The following KRTAP4-5 variants were observed in gnomAD, a reference collection of about 807,000 sequenced individuals.
The protein encoded by KRTAP4-5 is keratin-associated protein 4-5.
For synonymous variants in KRTAP4-5, 73 were observed against 83.6 expected, an observed-to-expected ratio of 0.87 and a Z score of 0.69; for missense variants, 199 against 233.7, an observed-to-expected ratio of 0.85 and a Z score of 0.97.
rs546774773 is a variant in KRTAP4-5 at position 41,149,147 on chromosome 17, G to C, written c.*75C>G. 2.4e-5 allele frequency: 36 copies of C among 1,486,558 alleles called. No homozygotes were observed. The highest frequency in any genetic ancestry group is 1.1e-4 in the Admixed American group (5 of 44,340). The allele number at this position is 1,486,558 out of a possible 1,614,324, so 92.1% of individuals were successfully genotyped here. On this transcript the variant is annotated 3_prime_UTR_variant, in exon 1 of 1. Coordinates refer to ENST00000343246, the MANE Select transcript of KRTAP4-5 (RefSeq NM_033188.4). Reference sequence around the variant, plus strand: ...TGGCAGGGAAGTGTTCATTTTTCCAGTGACTGGCTGGCTACAGTGCATTTT... The same window carrying C: ...TGGCAGGGAAGTGTTCATTTTTCCACTGACTGGCTGGCTACAGTGCATTTT...
In KRTAP4-5 at chr17:41,149,513, G is replaced by A. The variant is rs2014808029; in HGVS notation, c.255C>T (p.Cys85=). The change falls in exon 1 of 1, where the codon TGC becomes TGT. Residue 85 remains cysteine, a synonymous_variant. Coordinates refer to ENST00000343246, the MANE Select transcript of KRTAP4-5 (RefSeq NM_033188.4). ...TGGTCCTGCAGCAGGTGGTCCTGCA[G>A]CAGGTGGTCTGGCAGCAGCAGGGGC... ...CCRPCCCQTT[C]CRTTCCRTTC... The A allele has an allele frequency of 6.6e-7, 1 of 1,519,762 alleles. No homozygotes were observed. Among genetic ancestry groups the A allele is most frequent in the Non-Finnish European group, 8.9e-7 (1 of 1,125,214 alleles). The allele number at this position is 1,519,762 out of a possible 1,614,324, so 94.1% of individuals were successfully genotyped here. A position where few individuals can be genotyped will look rare whatever the true frequency, so the allele number is the denominator to read the frequency against.
In KRTAP4-5 at chr17:41,149,354, G is replaced by A; in HGVS notation, c.414C>T (p.Ser138=). ...CGCAGCAGCAGGGGCGGCAGCAGCT[G>A]GATTCACAGCAAGAGGGGTGGCAGC... ...SSCCHPSCCE[S]SCCRPCCCVR... Residue 138 remains serine, a synonymous_variant, in exon 1 of 1, where the codon TCC becomes TCT. Coordinates refer to ENST00000343246, the MANE Select transcript of KRTAP4-5 (RefSeq NM_033188.4). 6.2e-7 allele frequency: 1 copy of A among 1,613,634 alleles called. No individual in the cohort carries two copies. Among genetic ancestry groups the A allele is most frequent in the Non-Finnish European group, 8.5e-7 (1 of 1,179,828 alleles).
rs748664059 is a variant in KRTAP4-5 at position 41,149,487 on chromosome 17, G to T, written c.281C>A (p.Thr94Asn). Residue 94 changes from threonine (T) to asparagine (N), a missense_variant, in exon 1 of 1, where the codon ACC becomes AAC. Coordinates refer to ENST00000343246, the MANE Select transcript of KRTAP4-5 (RefSeq NM_033188.4). ...CACACAGCAGCTGGGGCAGCAGCAGGTGGTCCTGCAGCAGGTGGTCCTGCA... is the reference window on the plus strand; with the variant it reads ...CACACAGCAGCTGGGGCAGCAGCAGTTGGTCCTGCAGCAGGTGGTCCTGCA... ...TCCRTTCCRT[T>N]CCCPSCCVSS... The T allele has an allele frequency of 6.6e-7, 1 of 1,519,200 alleles. No individual in the cohort carries two copies. The highest frequency in any genetic ancestry group is 1.9e-5 in the Admixed American group (1 of 53,566). 94.1% of individuals were successfully genotyped at this position (1,519,200 alleles called of 1,614,324 possible).
Position 41,149,394 on chromosome 17 carries a change from C to T in KRTAP4-5, c.374G>A (p.Cys125Tyr), listed in dbSNP as rs1846044. 0.071 allele frequency: 114,376 copies of T among 1,613,392 alleles called. 4,413 individuals carry two copies. The highest frequency in any genetic ancestry group is 0.079 in the South Asian group (7,171 of 91,050). ...CCQPTCCRPS[C>Y]CISSCCHPSC... is the part of the protein sequence containing the mutation. The stretch of plus-strand genomic sequence containing the variant: ...GGGGTGGCAGCAGCTGGAGATGCAG[C>T]AGCTGGGACGGCAGCAAGTGGGCTG... Residue 125 changes from cysteine to tyrosine, a missense_variant, in exon 1 of 1, where the codon TGC becomes TAC. By Grantham distance (194) the Cys-to-Tyr change is radical. Coordinates refer to ENST00000343246, the MANE Select transcript of KRTAP4-5 (RefSeq NM_033188.4).
Position 41,149,789 on chromosome 17 carries a change from T to G in KRTAP4-5, c.-22A>C. 1 of 1,581,674 alleles carries G rather than the reference T, an allele frequency of 6.3e-7. No homozygotes were observed. Among genetic ancestry groups the G allele is most frequent in the Non-Finnish European group, 8.6e-7 (1 of 1,163,274 alleles). Reference sequence around the variant, plus strand: ...CCATGGTGTCAGAGGGTGGAGGTTCTGGGTGGATTTCTAGAAGAATGAGGT... The same window carrying G: ...CCATGGTGTCAGAGGGTGGAGGTTCGGGGTGGATTTCTAGAAGAATGAGGT... On this transcript the variant is annotated 5_prime_UTR_variant, in exon 1 of 1. Transcript: ENST00000343246.
In KRTAP4-5 at chr17:41,149,295, G is replaced by T. The variant is rs753690752; in HGVS notation, c.473C>A (p.Thr158Asn). The T allele has an allele frequency of 6.2e-6, 10 of 1,610,598 alleles. No individual in the cohort carries two copies. The Admixed American group carries it at 8.4e-5, about 14-fold the overall frequency. Reference protein sequence around the residue: ...RPVCGRVSCHTTCYRPTCVIS... With the variant: ...RPVCGRVSCHNTCYRPTCVIS... ...GACACAGGTTGGGCGATAGCAAGTG[G>T]TGTGGCAGGAGACTCGGCCACAGAC... The change falls in exon 1 of 1, where the codon ACC becomes AAC. Residue 158 changes from threonine (T) to asparagine (N), a missense_variant. Physicochemically the swap from Thr to Asn is moderately conservative, Grantham distance 65 (BLOSUM62 0). Transcript: ENST00000343246.
chr17:41,149,786 T>C lies in KRTAP4-5; in HGVS notation c.-19A>G, dbSNP rs769963748. On this transcript the variant is annotated 5_prime_UTR_variant, in exon 1 of 1. Transcript: ENST00000343246. The stretch of plus-strand genomic sequence containing the variant: ...TGACCATGGTGTCAGAGGGTGGAGG[T>C]TCTGGGTGGATTTCTAGAAGAATGA... The C allele has an allele frequency of 6.3e-7, 1 of 1,585,228 alleles. No individual in the cohort carries two copies. Among genetic ancestry groups the C allele is most frequent in the South Asian group, 1.2e-5 (1 of 86,110 alleles).
rs748664059 is a variant in KRTAP4-5 at position 41,149,487 on chromosome 17, G to C, written c.281C>G (p.Thr94Ser). 6.6e-7 allele frequency: 1 copy of C among 1,519,080 alleles called. No homozygotes were observed. Among genetic ancestry groups the C allele is most frequent in the Non-Finnish European group, 8.9e-7 (1 of 1,126,898 alleles). The allele number at this position is 1,519,080 out of a possible 1,614,324, so 94.1% of individuals were successfully genotyped here. A position where few individuals can be genotyped will look rare whatever the true frequency, so the allele number is the denominator to read the frequency against. The change falls in exon 1 of 1, where the codon ACC becomes AGC. Residue 94 changes from threonine to serine, a missense_variant. Physicochemically the swap from Thr to Ser is moderately conservative, Grantham distance 58. Coordinates refer to ENST00000343246, the MANE Select transcript of KRTAP4-5 (RefSeq NM_033188.4). ...TCCRTTCCRT[T>S]CCCPSCCVSS... is the part of the protein sequence containing the mutation. ...CACACAGCAGCTGGGGCAGCAGCAG[G>C]TGGTCCTGCAGCAGGTGGTCCTGCA...
In KRTAP4-5 at chr17:41,149,203, C is replaced by G; in HGVS notation, c.*19G>C. On this transcript the variant is annotated 3_prime_UTR_variant, in exon 1 of 1. Transcript: ENST00000343246. ...ACTAATGAAGACATTCATAGTATGA[C>G]AAATATCACAAGGAGACATTAGCAG... 3.2e-6 allele frequency: 5 copies of G among 1,573,362 alleles called. No homozygotes were observed. The highest frequency in any genetic ancestry group is 4.3e-6 in the Non-Finnish European group (5 of 1,158,452).
chr17:41,149,369 G>A lies in KRTAP4-5; in HGVS notation c.399C>T (p.Pro133=). 6.2e-7 allele frequency: 1 copy of A among 1,613,816 alleles called. No homozygotes were observed. Among genetic ancestry groups the A allele is most frequent in the South Asian group, 1.1e-5 (1 of 91,044 alleles). The change falls in exon 1 of 1, where the codon CCC becomes CCT. Residue 133 remains proline, a synonymous_variant. Transcript: ENST00000343246. ...GGCAGCAGCTGGATTCACAGCAAGA[G>A]GGGTGGCAGCAGCTGGAGATGCAGC... ...PSCCISSCCH[P]SCCESSCCRP...
In KRTAP4-5 at chr17:41,148,957, C is replaced by A; in HGVS notation, c.*265G>T. On this transcript the variant is annotated 3_prime_UTR_variant, in exon 1 of 1. Coordinates refer to ENST00000343246, the MANE Select transcript of KRTAP4-5 (RefSeq NM_033188.4). ...GTGGCTGTTTATTAATACATGAAAA[C>A]AATATTATATGAGATCATCACAGTT... 1.6e-6 allele frequency: 1 copy of A among 639,458 alleles called. No homozygotes were observed. Among genetic ancestry groups the A allele is most frequent in the Non-Finnish European group, 2.6e-6 (1 of 379,954 alleles). 39.6% of individuals were successfully genotyped at this position (639,458 alleles called of 1,614,324 possible). A position where few individuals can be genotyped will look rare whatever the true frequency, so the allele number is the denominator to read the frequency against.
chr17:41,149,037 TG>T lies in KRTAP4-5; in HGVS notation c.*184del. ...ATCTAAAAATAACTGCATTGGGGCCTGGCATAACATATTTTAATGAATGTGA... is the reference window on the plus strand; with the variant it reads ...ATCTAAAAATAACTGCATTGGGGCCTGCATAACATATTTTAATGAATGTGA... On this transcript the variant is annotated 3_prime_UTR_variant, in exon 1 of 1. Coordinates refer to ENST00000343246, the MANE Select transcript of KRTAP4-5 (RefSeq NM_033188.4). 9.1e-7 allele frequency: 1 copy of T among 1,104,772 alleles called. No homozygotes were observed. Among genetic ancestry groups the T allele is most frequent in the Non-Finnish European group, 1.3e-6 (1 of 785,418 alleles). The allele number at this position is 1,104,772 out of a possible 1,614,324, so 68.4% of individuals were successfully genotyped here.
At position 41,149,378 on chromosome 17, in the gene KRTAP4-5, G is replaced by A. The variant is rs1398482340; in HGVS notation, c.390C>T (p.Cys130=). The A allele has an allele frequency of 6.2e-7, 1 of 1,609,016 alleles. No individual in the cohort carries two copies. The highest frequency in any genetic ancestry group is 1.7e-5 in the Admixed American group (1 of 59,972). Residue 130 remains cysteine (C), a synonymous_variant, in exon 1 of 1, where the codon TGC becomes TGT. Coordinates refer to ENST00000343246, the MANE Select transcript of KRTAP4-5 (RefSeq NM_033188.4). ...CCRPSCCISS[C]CHPSCCESSC... ...TGGATTCACAGCAAGAGGGGTGGCA[G>A]CAGCTGGAGATGCAGCAGCTGGGAC...
Position 41,149,781 on chromosome 17 carries a change from G to A in KRTAP4-5, c.-14C>T, listed in dbSNP as rs1598006549. 4 of 1,590,980 alleles carry A rather than the reference G, an allele frequency of 2.5e-6. No individual in the cohort carries two copies. The highest frequency in any genetic ancestry group is 1.1e-5 in the South Asian group (1 of 87,114). The stretch of plus-strand genomic sequence containing the variant: ...GGAGCTGACCATGGTGTCAGAGGGT[G>A]GAGGTTCTGGGTGGATTTCTAGAAG... On this transcript the variant is annotated 5_prime_UTR_variant, in exon 1 of 1. Transcript: ENST00000343246.
Sources: allele counts gnomAD v4.1 joint callset, GRCh38; gene constraint gnomAD v4.1.1; transcripts MANE v1.5; gene names NCBI Gene and HGNC (gene_info 2026-07-23, HGNC 2026-07-21).